Variants in PDE4D observed in about 807,000 individuals in gnomAD.
The protein encoded by PDE4D is 3',5'-cyclic-AMP phosphodiesterase 4D.
Under a neutral mutation model 87.4 loss-of-function variants are expected in PDE4D, and 24 were observed. The observed-to-expected ratio is 0.27, with a 90% CI of 0.20 to 0.39. The LOEUF (loss-of-function observed/expected upper bound fraction) is 0.39. Ranked by LOEUF, PDE4D falls within the 10% of genes least tolerant of loss-of-function variation. The pLI, the probability that PDE4D is intolerant of heterozygous loss-of-function variation, is 1.00. For synonymous variants in PDE4D, 384 were observed against 383.2 expected, an observed-to-expected ratio of 1.00 and a Z score of -0.02; for missense variants, 714 against 1,041.0, an observed-to-expected ratio of 0.69 and a Z score of 4.32.
intron 2 of PDE4D, among the ~76,000 whole-genome samples, chr5:60,012,122 A>G (rs1013075999): frequency 1.3e-5 from 2 of 152,198 alleles, no homozygotes; most frequent in Admixed American, 1.3e-4. Context: ...ACAATAATAT[A>G]TAAAAATAAG....
intron 1 of PDE4D, among the ~76,000 whole-genome samples, chr5:59,244,682 G>C (rs1357905472): frequency 5.0e-5 from 2 of 39,642 alleles, no homozygotes; most frequent in African/African-American, 1.1e-4. Context: ...GTGTGTGTCT[G>C]TGTGTGTGTG....
At chr5:60,416,682 C>T (rs1458274229) in intron 1 of PDE4D, among the ~76,000 whole-genome samples, 2 of 152,192 alleles carry the variant, frequency 1.3e-5, no homozygotes, top group African/African-American at 4.8e-5. Flanking sequence ...GCGTCCGCGG[C>T]TTCATTCTTG....
At chr5:60,354,217 T>G (rs562124421) in intron 1 of PDE4D, among the ~76,000 whole-genome samples, 1 of 152,228 alleles carries the variant, frequency 6.6e-6, no homozygotes, top group East Asian at 1.9e-4. Context: ...TTTGACTATT[T>G]AAGAAACATT....
intron 1 of PDE4D, among the ~76,000 whole-genome samples, chr5:59,872,816 C>G (rs2152738889): frequency 6.6e-6 from 1 of 152,168 alleles, no homozygotes; most frequent in East Asian, 1.9e-4. Context: ...TTCAGTAGTA[C>G]TGATCAGTAG....
At chr5:59,230,145 T>C (rs1480936821) in intron 1 of PDE4D, among the ~76,000 whole-genome samples, 3 of 152,182 alleles carry the variant, frequency 2.0e-5, no homozygotes, top group Admixed American at 6.5e-5. Context: ...TTCCTTTTTA[T>C]TCTTTCCCTC....
intron 1 of PDE4D, among the ~76,000 whole-genome samples, chr5:59,809,782 T>C (rs1310191404): frequency 6.6e-6 from 1 of 152,224 alleles, no homozygotes; most frequent in African/African-American, 2.4e-5. Flanking sequence ...CAGTCTTCTT[T>C]GTACAGCTCT....
intron 1 of PDE4D, among the ~76,000 whole-genome samples, chr5:59,486,864 A>G (rs916175037): frequency 1.3e-5 from 2 of 152,226 alleles, no homozygotes; most frequent in Non-Finnish European, 2.9e-5. Context: ...TTGTAGGTCA[A>G]TACTTGACAT....
chr5:59,236,168 C>T (rs1036624061), intron 1 of PDE4D, among the ~76,000 whole-genome samples: 5 of 152,082 alleles, frequency 3.3e-5, no homozygotes, highest in African/African-American at 4.8e-5. Context: ...CCCTCTCTTC[C>T]TCCCTGCTTT....
intron 1 of PDE4D, among the ~76,000 whole-genome samples, chr5:59,885,027 T>G (rs1358682772): frequency 6.6e-6 from 1 of 152,010 alleles, no homozygotes; most frequent in African/African-American, 2.4e-5. Flanking sequence ...ATGAATGAAG[T>G]AATGATCATT....
At chr5:60,140,712 T>C (rs1396424576) in intron 2 of PDE4D, among the ~76,000 whole-genome samples, 1 of 152,106 alleles carries the variant, frequency 6.6e-6, no homozygotes, top group Non-Finnish European at 1.5e-5. Context: ...AGAAGAGACA[T>C]TAAGGACTAT....
intron 1 of PDE4D, among the ~76,000 whole-genome samples, chr5:60,196,763 T>C (rs2149533240): frequency 6.6e-6 from 1 of 151,756 alleles, no homozygotes; most frequent in East Asian, 1.9e-4. Flanking sequence ...CAAAGAAAAG[T>C]GGAGTTCATC....
At chr5:60,080,384 C>T (rs1262922055) in intron 2 of PDE4D, among the ~76,000 whole-genome samples, 1 of 152,132 alleles carries the variant, frequency 6.6e-6, no homozygotes, top group African/African-American at 2.4e-5. Context: ...CTTTCTCTTG[C>T]CTGATTGCCC....
At chr5:59,244,667 T>C (rs142210450) in intron 1 of PDE4D, among the ~76,000 whole-genome samples, 2,543 of 127,020 alleles carry the variant, frequency 0.02, 32 homozygotes, top group Non-Finnish European at 0.031. Flanking sequence ...TATATGTATG[T>C]ATGTGTGTGT....
At chr5:60,042,770 C>T (rs1455250865) in intron 2 of PDE4D, among the ~76,000 whole-genome samples, 1 of 152,072 alleles carries the variant, frequency 6.6e-6, no homozygotes, top group Non-Finnish European at 1.5e-5. Context: ...AAAAGGATGT[C>T]CAGTCAGAAA....
chr5:59,723,989 G>A (rs1756234740), intron 1 of PDE4D, among the ~76,000 whole-genome samples: 1 of 151,970 alleles, frequency 6.6e-6, no homozygotes, highest in African/African-American at 2.4e-5. Flanking sequence ...AAAATCATGA[G>A]CTTAAAAAGA....
In PDE4D at chr5:60,075,130, T is replaced by C. The variant is rs570856186; in HGVS notation, c.43-86413A>G. The stretch of plus-strand genomic sequence containing the variant: ...TCTGTGTACTTATAGAGACACTGTG[T>C]ATTTGCAGTGTCTGATAACGGTCTT... On this transcript the variant is annotated intron_variant, in intron 2 of 16. Transcript: ENST00000502484. Among the ~76,000 whole-genome samples, 15 of 152,272 alleles carry C rather than the reference T, an allele frequency of 9.9e-5. No individual in the cohort carries two copies. In the South Asian group the frequency reaches 1.7e-3, roughly 17 times the overall value.
At chr5:59,439,548 C>T (rs1210034042) in intron 1 of PDE4D, among the ~76,000 whole-genome samples, 1 of 152,172 alleles carries the variant, frequency 6.6e-6, no homozygotes, top group Non-Finnish European at 1.5e-5. Context: ...CTATTCTAGG[C>T]TCTGGGTACC....
At chr5:59,574,242 T>C (rs905132348) in intron 1 of PDE4D, among the ~76,000 whole-genome samples, 2 of 145,142 alleles carry the variant, frequency 1.4e-5, no homozygotes, top group African/African-American at 5.1e-5. Flanking sequence ...AAAGGTAATA[T>C]ATATATATAT....
intron 1 of PDE4D, among the ~76,000 whole-genome samples, chr5:59,805,489 C>G (rs988876984): frequency 6.6e-6 from 1 of 152,320 alleles, no homozygotes. Flanking sequence ...TTTACACTTA[C>G]AATTTGTGCA....
Sources: allele counts gnomAD v4.1 joint callset (sites outside exome capture counted in the v4.1 genomes callset), GRCh38; gene constraint gnomAD v4.1.1; transcripts MANE v1.5; gene names NCBI Gene and HGNC (gene_info 2026-07-23, HGNC 2026-07-21).